Variants in MTMR4 observed in about 807,000 individuals in gnomAD.
MTMR4 encodes the protein myotubularin related protein 4, also known as phosphatidylinositol-3,5-bisphosphate 3-phosphatase MTMR4.
MTMR4 carries 30 observed loss-of-function variants against 125.5 expected under a neutral mutation model. The observed-to-expected ratio is 0.24, with a 90% CI of 0.18 to 0.32. The LOEUF (loss-of-function observed/expected upper bound fraction) is 0.32, where lower values mean the gene tolerates loss of function less well. Among genes scored for constraint, MTMR4 ranks in the 10% least tolerant of loss-of-function variants. The pLI, the probability that MTMR4 is intolerant of heterozygous loss-of-function variation, is 1.00. For synonymous variants in MTMR4, 498 were observed against 564.5 expected (o/e 0.88, Z 1.67); for missense variants, 1,039 against 1,511.5 (o/e 0.69, Z 5.18).
At chr17:58,505,104 C>T (rs1975741727) in intron 10 of MTMR4, 130 bp from the exon 11 acceptor site, 2 of 858,212 alleles carry the variant, frequency 2.3e-6, no homozygotes, top group African/African-American at 1.7e-5. Flanking sequence ...CAACCCAGGG[C>T]CTTTTGGACA....
chr17:58,499,242 T>TA (rs57477358), intron 14 of MTMR4, among the ~76,000 whole-genome samples: 26,209 of 144,564 alleles, frequency 0.18, 2,357 homozygotes, highest in Non-Finnish European at 0.2. Context: ...CTTTTTTTTT[T>TA]AAAAAAAAAA....
chr17:58,507,193 C>T lies in MTMR4; in HGVS notation c.834G>A (p.Gly278=), dbSNP rs1305958445. ...TGAGGGAGCCCCCAGTGGCCCTTGT[C>T]CCCGGGTCCAGGGCACAGGCTTTAG... The part of the protein sequence containing the change: ...SIAKACALDP[G]TRATGGSLST... The change falls in exon 8 of 18, where the codon GGG becomes GGA. Residue 278 remains glycine, a synonymous_variant. Transcript: ENST00000682306. 1.1e-5 allele frequency: 17 copies of T among 1,614,138 alleles called. No homozygotes were observed. Among genetic ancestry groups the T allele is most frequent in the Non-Finnish European group, 1.4e-5 (17 of 1,180,020 alleles).
At chr17:58,516,433 TAA>T, upstream of MTMR4, 1 of 835,386 alleles carries the variant, frequency 1.2e-6, no homozygotes, top group South Asian at 1.5e-5. Flanking sequence ...AAAGAAACCC[TAA>T]TTTATCTCCA....
chr17:58,516,982 C>T (rs1439363936), upstream of MTMR4, among the ~76,000 whole-genome samples: 4 of 152,206 alleles, frequency 2.6e-5, no homozygotes, highest in Admixed American at 2.6e-4. Context: ...AACTGGGGCT[C>T]ATTTTAGGCC....
chr17:58,491,281 T>A lies in MTMR4; in HGVS notation c.*382A>T, dbSNP rs539852101. 139 of 159,558 alleles carry A rather than the reference T, an allele frequency of 8.7e-4. No individual in the cohort carries two copies. Among genetic ancestry groups the A allele is most frequent in the Non-Finnish European group, 1.6e-3 (112 of 72,228 alleles). The allele number at this position is 159,558 out of a possible 1,614,324, so 9.9% of individuals were successfully genotyped here. On this transcript the variant is annotated 3_prime_UTR_variant, in exon 18 of 18. Transcript: ENST00000682306. ...TGCTTTTGTCAAGGTGGAGGAGAGATGGGTCTGGTTATCACTTGGAGTTTG... is the reference window on the plus strand; with the variant it reads ...TGCTTTTGTCAAGGTGGAGGAGAGAAGGGTCTGGTTATCACTTGGAGTTTG...
chr17:58,517,303 G>T (rs1343868925), upstream of MTMR4, among the ~76,000 whole-genome samples: 1 of 152,252 alleles, frequency 6.6e-6, no homozygotes, highest in African/African-American at 2.4e-5. Flanking sequence ...GGGATTTCAG[G>T]ATAGGGCCTC....
Position 58,506,725 on chromosome 17 carries a change from C to A in MTMR4, c.1033+18G>T. 15 of 1,611,476 alleles carry A rather than the reference C, an allele frequency of 9.3e-6. No individual in the cohort carries two copies. Among genetic ancestry groups the A allele is most frequent in the Non-Finnish European group, 1.3e-5 (15 of 1,178,454 alleles). Reference sequence around the variant, plus strand: ...CCAGAGCACAGGCTGGCTGCAGACACTGGGATAACAGCAATACCTTCACAT... The same window carrying A: ...CCAGAGCACAGGCTGGCTGCAGACAATGGGATAACAGCAATACCTTCACAT... On this transcript the variant is annotated intron_variant, in intron 9 of 17. Transcript: ENST00000682306.
upstream of MTMR4, among the ~76,000 whole-genome samples, chr17:58,515,556 C>G (rs906735998): frequency 2.0e-5 from 3 of 152,184 alleles, no homozygotes; most frequent in African/African-American, 4.8e-5. Flanking sequence ...TAAACCTTAT[C>G]CTGTCTTACT....
At chr17:58,506,903 C>T (rs1598222328) in intron 8 of MTMR4, 32 bp from the exon 9 acceptor site, 2 of 1,601,936 alleles carry the variant, frequency 1.2e-6, no homozygotes, top group East Asian at 2.2e-5. Flanking sequence ...GTCCCTGAGT[C>T]AGCCAGCCAC....
rs146002451 is a variant in MTMR4, at chr17:58,496,160, G to C, written c.2024C>G (p.Ser675Cys). ...AGTTTGCTGAGGCCCTCCTACCCCA[G>C]AGTCCACAAAGCTTGTCTCTGATCC... ...PEGSETSFVD[S>C]GVGGPQQTVG... The change falls in exon 15 of 18, where the codon TCT becomes TGT. Residue 675 changes from serine (S) to cysteine (C), a missense_variant. Transcript: ENST00000682306. 27 of 1,614,058 alleles carry C rather than the reference G, an allele frequency of 1.7e-5. No homozygotes were observed. The African/African-American group carries it at 3.2e-4, about 19-fold the overall frequency.
intron 15 of MTMR4, among the ~76,000 whole-genome samples, chr17:58,494,170 A>T (rs1485382179): frequency 4.6e-5 from 7 of 151,948 alleles, no homozygotes; most frequent in Non-Finnish European, 7.4e-5. Flanking sequence ...AAAAAAAAAA[A>T]TTAGCTGGGC....
chr17:58,510,827 T>C (rs1387999174), intron 4 of MTMR4: 2 of 152,296 alleles, frequency 1.3e-5, no homozygotes, highest in African/African-American at 4.8e-5. Context: ...TCTTCCCACC[T>C]TGGCCACCCG....
intron 7 of MTMR4, 195 bp downstream of exon 7, chr17:58,507,966 G>T (rs1239006014): frequency 1.9e-6 from 1 of 523,152 alleles, no homozygotes; most frequent in Non-Finnish European, 3.5e-6. Flanking sequence ...CTAAAAAAAG[G>T]GGGGGAATGA....
intron 14 of MTMR4, among the ~76,000 whole-genome samples, chr17:58,502,761 T>C (rs1207443706): frequency 6.6e-6 from 1 of 152,250 alleles, no homozygotes; most frequent in Non-Finnish European, 1.5e-5. Context: ...AGTGTGGATT[T>C]ACCTATGTAG....
rs1975271976 is a variant in MTMR4 at position 58,489,832 on chromosome 17, G to A, written c.*1831C>T. On this transcript the variant is annotated 3_prime_UTR_variant, in exon 18 of 18. Coordinates refer to ENST00000682306, the MANE Select transcript of MTMR4 (RefSeq NM_001378067.1). ...CCCTTGAAAACAGGCAGAGTGAAGT[G>A]CAATGAAAGACAAGTTAATTAAAAA... 1 of 152,618 alleles carries A rather than the reference G, an allele frequency of 6.6e-6. No homozygotes were observed. The highest frequency in any genetic ancestry group is 2.1e-4 in the South Asian group (1 of 4,832). The allele number at this position is 152,618 out of a possible 1,614,324, so 9.5% of individuals were successfully genotyped here.
chr17:58,504,103 G>A lies in MTMR4; in HGVS notation c.1645C>T (p.Arg549Ter). Residue 549 changes from arginine to a stop codon, truncating the protein, a stop_gained, in exon 13 of 18, where the codon CGA becomes TGA. Transcript: ENST00000682306. LOFTEE classifies it high-confidence loss of function. This position sits in a 1 kb window ranked among gnomAD's most constrained non-coding sequence, Gnocchi z 7.1. ...KRTCSVWALL[R>*]AGNKNFHNFL... is the part of the protein sequence containing the mutation. Reference sequence around the variant, plus strand: ...TTATGAAAGTTTTTATTGCCAGCTCGAAGGAGCGCCCACACAGAGCAGGTC... The same window carrying A: ...TTATGAAAGTTTTTATTGCCAGCTCAAAGGAGCGCCCACACAGAGCAGGTC... The A allele has an allele frequency of 1.3e-6, 2 of 1,594,790 alleles. No individual in the cohort carries two copies. Among genetic ancestry groups the A allele is most frequent in the Non-Finnish European group, 1.7e-6 (2 of 1,172,230 alleles).
chr17:58,504,926 C>T lies in MTMR4; in HGVS notation c.1194G>A (p.Val398=). 1 of 1,613,812 alleles carries T rather than the reference C, an allele frequency of 6.2e-7. No individual in the cohort carries two copies. The highest frequency in any genetic ancestry group is 8.5e-7 in the Non-Finnish European group (1 of 1,179,834). Residue 398 remains valine (V), a synonymous_variant, in exon 11 of 18, where the codon GTG becomes GTA. Transcript: ENST00000682306. The surrounding 1 kb of genome is among the most constrained non-coding windows in gnomAD (Gnocchi z 7.1). The part of the protein sequence containing the change: ...ESTKWLQHLS[V]MLKAAVLVAN... ...CCACCAGCACAGCTGCTTTTAGCATCACCGACAAGTGCTGCAGCCATTTGG... is the reference window on the plus strand; with the variant it reads ...CCACCAGCACAGCTGCTTTTAGCATTACCGACAAGTGCTGCAGCCATTTGG...
chr17:58,491,678 A>G lies in MTMR4; in HGVS notation c.3615T>C (p.Ala1205=). 1.2e-6 allele frequency: 2 copies of G among 1,613,898 alleles called. No homozygotes were observed. Among genetic ancestry groups the G allele is most frequent in the Non-Finnish European group, 1.7e-6 (2 of 1,179,782 alleles). ...LMSQQLKKPI[A]TASS is the part of the protein sequence containing the mutation. ...TCCCCGGCATTCAACTGGAAGCTGT[A>G]GCAATGGGTTTCTTCAGCTGTTGGC... Residue 1205 remains alanine, a synonymous_variant, in exon 18 of 18, where the codon GCT becomes GCC. Transcript: ENST00000682306.
chr17:58,494,188 C>T lies in MTMR4; in HGVS notation c.3252+744G>A, dbSNP rs985059229. Among the ~76,000 whole-genome samples, 10 of 151,846 alleles carry T rather than the reference C, an allele frequency of 6.6e-5. No individual in the cohort carries two copies. In the East Asian group the frequency reaches 1.4e-3, roughly 21 times the overall value. On this transcript the variant is annotated intron_variant, in intron 15 of 17. Transcript: ENST00000682306. ...AAAAAAAATTAGCTGGGCATGGTGGCGGGCGCCTGTAGTCCCAGCTACTCA... is the reference window on the plus strand; with the variant it reads ...AAAAAAAATTAGCTGGGCATGGTGGTGGGCGCCTGTAGTCCCAGCTACTCA...
Sources: gnomAD v4.1 joint callset for allele counts (sites outside exome capture counted in the v4.1 genomes callset) on GRCh38, gnomAD v4.1.1 for gene constraint, Gnocchi (gnomAD v3.1) non-coding constraint, MANE v1.5 for transcripts, NCBI Gene and HGNC (gene_info 2026-07-23, HGNC 2026-07-21) for gene names.